Variants in FERMT3 observed in about 807,000 individuals in gnomAD.
FERMT3 encodes FERM domain containing kindlin 3.
In FERMT3, 33 loss-of-function variants were observed where a neutral mutation model predicts 80.8. The observed-to-expected ratio is 0.41, with a 90% CI of 0.31 to 0.55. FERMT3 has a LOEUF of 0.55. Ranked by LOEUF, FERMT3 falls within the 20% of genes least tolerant of loss-of-function variation. FERMT3 has a pLI of 0.31. For missense variants in FERMT3, 754 were observed against 908.7 expected (o/e 0.83, Z 2.19); for synonymous variants, 375 against 372.2 (o/e 1.01, Z -0.09).
intron 6 of FERMT3, among the ~76,000 whole-genome samples, chr11:64,213,894 C>CT (rs1302554643): frequency 1.3e-5 from 2 of 152,090 alleles, no homozygotes; most frequent in Non-Finnish European, 2.9e-5. Flanking sequence ...GTTTTCTTCT[C>CT]TATGACATAT....
chr11:64,220,078 G>GCT, intron 10 of FERMT3, 63 bp downstream of exon 10: 1 of 1,600,954 alleles, frequency 6.2e-7, no homozygotes, highest in African/African-American at 1.3e-5. Context: ...GCAGGTGAAT[G>GCT]CTCTCACCGG....
Position 64,211,107 on chromosome 11 carries a change from G to A in FERMT3, c.450G>A (p.Lys150=), listed in dbSNP as rs12794742. The stretch of plus-strand genomic sequence containing the variant: ...TCCGGGCTCCTGAGAAGAAGGAGAA[G>A]AAGAAGAAAGAGAAGGAGCCAGAGG... ...SLLRAPEKKE[K]KKKEKEPEEE... is the part of the protein sequence containing the mutation. The change falls in exon 4 of 15, where the codon AAG becomes AAA. Residue 150 remains lysine (K), a synonymous_variant. Coordinates refer to ENST00000345728, the MANE Select transcript of FERMT3 (RefSeq NM_031471.6). This position sits in a 1 kb window ranked among gnomAD's most constrained non-coding sequence, Gnocchi z 4.7. The A allele has an allele frequency of 6.4e-7, 1 of 1,561,356 alleles. No individual in the cohort carries two copies. The highest frequency in any genetic ancestry group is 8.7e-7 in the Non-Finnish European group (1 of 1,153,372).
At chr11:64,220,939 G>C in intron 12 of FERMT3, 77 bp from the exon 13 acceptor site, 2 of 1,580,172 alleles carry the variant, frequency 1.3e-6, no homozygotes, top group South Asian at 1.1e-5. Context: ...CTGTCACCCT[G>C]ATGGGGAGGT....
chr11:64,219,832 G>A lies in FERMT3; in HGVS notation c.1079+43G>A, dbSNP rs752870494. On this transcript the variant is annotated intron_variant, in intron 9 of 14. Coordinates refer to ENST00000345728, the MANE Select transcript of FERMT3 (RefSeq NM_031471.6). This position sits in a 1 kb window ranked among gnomAD's most constrained non-coding sequence, Gnocchi z 4.0. The stretch of plus-strand genomic sequence containing the variant: ...GTAGGCAGCCCTGCTGGAGGGGTTG[G>A]TCTGCATATGGAGGGAGGGGGTGAG... The A allele has an allele frequency of 1.7e-5, 28 of 1,613,832 alleles. No individual in the cohort carries two copies. The highest frequency in any genetic ancestry group is 1.2e-4 in the Admixed American group (7 of 60,002).
chr11:64,216,408 C>G (rs1162653121), intron 6 of FERMT3, among the ~76,000 whole-genome samples: 1 of 148,216 alleles, frequency 6.7e-6, no homozygotes, highest in African/African-American at 2.5e-5. Flanking sequence ...ACCACATTGG[C>G]CAGGCTGGTC....
chr11:64,217,193 G>C (rs1946570613), intron 6 of FERMT3, among the ~76,000 whole-genome samples: 1 of 152,198 alleles, frequency 6.6e-6, no homozygotes, highest in African/African-American at 2.4e-5. Flanking sequence ...TCCTGCCAAT[G>C]TCTTGGGTGA....
chr11:64,210,714 C>T lies in FERMT3; in HGVS notation c.264C>T (p.Asp88=), dbSNP rs759003628. ...WTLDKYGILA[D]ARLFFGPQHR... The stretch of plus-strand genomic sequence containing the variant: ...TGGACAAGTACGGGATCCTGGCCGA[C>T]GCACGCCTCTTCTTTGGGCCCCAGC... Residue 88 remains aspartate, a synonymous_variant, in exon 3 of 15, where the codon GAC becomes GAT. Transcript: ENST00000345728. The surrounding 1 kb of genome is among the most constrained non-coding windows in gnomAD (Gnocchi z 4.3). 34 of 1,614,070 alleles carry T rather than the reference C, an allele frequency of 2.1e-5. No homozygotes were observed. Among genetic ancestry groups the T allele is most frequent in the Non-Finnish European group, 2.6e-5 (31 of 1,180,036 alleles).
In FERMT3 at chr11:64,211,112, A is replaced by T; in HGVS notation, c.455A>T (p.Lys152Met). The change falls in exon 4 of 15, where the codon AAG becomes ATG. Residue 152 changes from lysine (K) to methionine (M), a missense_variant. Coordinates refer to ENST00000345728, the MANE Select transcript of FERMT3 (RefSeq NM_031471.6). This position sits in a 1 kb window ranked among gnomAD's most constrained non-coding sequence, Gnocchi z 4.7. ...GCTCCTGAGAAGAAGGAGAAGAAGA[A>T]GAAAGAGAAGGAGCCAGAGGAAGAG... ...LRAPEKKEKK[K>M]KEKEPEEELY... 6.4e-7 allele frequency: 1 copy of T among 1,564,252 alleles called. No individual in the cohort carries two copies. Among genetic ancestry groups the T allele is most frequent in the Non-Finnish European group, 8.7e-7 (1 of 1,153,960 alleles).
intron 6 of FERMT3, among the ~76,000 whole-genome samples, chr11:64,217,511 T>G (rs1376293227): frequency 6.6e-6 from 1 of 152,034 alleles, no homozygotes; most frequent in Non-Finnish European, 1.5e-5. Context: ...ATCGTGCCAT[T>G]GTACTCCAGC....
Position 64,219,106 on chromosome 11 carries a change from T to A in FERMT3, c.787-145T>A. On this transcript the variant is annotated intron_variant, in intron 6 of 14. Coordinates refer to ENST00000345728, the MANE Select transcript of FERMT3 (RefSeq NM_031471.6). This position sits in a 1 kb window ranked among gnomAD's most constrained non-coding sequence, Gnocchi z 4.0. ...CTATTAAGGATGGGGTTGAGGTCTG[T>A]GGCCCATGTCTGGCCACTGAATGAA... 1.4e-6 allele frequency: 1 copy of A among 739,044 alleles called. No homozygotes were observed. Among genetic ancestry groups the A allele is most frequent in the Non-Finnish European group, 2.3e-6 (1 of 435,562 alleles). 45.8% of individuals were successfully genotyped at this position (739,044 alleles called of 1,614,324 possible).
chr11:64,215,391 C>T (rs1054032735), intron 6 of FERMT3, among the ~76,000 whole-genome samples: 1 of 152,048 alleles, frequency 6.6e-6, no homozygotes, highest in African/African-American at 2.4e-5. Flanking sequence ...CATATTGAGT[C>T]GTTTGTCTTT....
upstream of FERMT3, chr11:64,206,557 C>G (rs1441341787): frequency 1.3e-5 from 2 of 152,392 alleles, no homozygotes; most frequent in African/African-American, 4.8e-5. Context: ...AGTCGCTAAG[C>G]CCCGCTCTCC....
At position 64,223,393 on chromosome 11, in the gene FERMT3, C is replaced by T. The variant is rs142025489; in HGVS notation, c.1893C>T (p.Ile631=). 2,336 of 1,613,966 alleles carry T rather than the reference C, an allele frequency of 1.4e-3. 5 individuals are homozygous for T. Among genetic ancestry groups the T allele is most frequent in the Admixed American group, 2.0e-3 (119 of 60,030 alleles). Residue 631 remains isoleucine, a synonymous_variant, in exon 15 of 15, where the codon ATC becomes ATT. Transcript: ENST00000345728. Reference sequence around the variant, plus strand: ...GCTGCCGAATTGTACACGAGTATATCGGGGGCTACATTTTCCTGTCGACGC... The same window carrying T: ...GCTGCCGAATTGTACACGAGTATATTGGGGGCTACATTTTCCTGTCGACGC... ...SASCRIVHEY[I]GGYIFLSTRE...
In FERMT3 at chr11:64,210,236, C is replaced by A. The variant is rs775944516; in HGVS notation, c.161-375C>A. 1.3e-5 allele frequency among the ~76,000 whole-genome samples: 2 copies of A among 152,204 alleles called. No individual in the cohort carries two copies. The highest frequency in any genetic ancestry group is 2.4e-5 in the African/African-American group (1 of 41,450). ...CAGACGTAGTCTCTGCCTCCAGGAG[C>A]TCCCCAGAATGCAAGACAGAGGCTG... On this transcript the variant is annotated intron_variant, in intron 2 of 14. Coordinates refer to ENST00000345728, the MANE Select transcript of FERMT3 (RefSeq NM_031471.6). The surrounding 1 kb of genome is among the most constrained non-coding windows in gnomAD (Gnocchi z 4.3).
Position 64,216,446 on chromosome 11 carries a change from G to A in FERMT3, c.787-2805G>A, listed in dbSNP as rs563760027. On this transcript the variant is annotated intron_variant, in intron 6 of 14. Transcript: ENST00000345728. Reference sequence around the variant, plus strand: ...AAACTCCTGACCTCGTGATCTGCCCGCTTCAGCCTCCCAAAGTGCTGGGAT... The same window carrying A: ...AAACTCCTGACCTCGTGATCTGCCCACTTCAGCCTCCCAAAGTGCTGGGAT... Among the ~76,000 whole-genome samples, 356 of 148,748 alleles carry A rather than the reference G, an allele frequency of 2.4e-3. 2 individuals carry two copies. Among genetic ancestry groups the A allele is most frequent in the African/African-American group, 8.4e-3 (343 of 40,918 alleles).
At chr11:64,220,984 C>A in intron 12 of FERMT3, 32 bp from the exon 13 acceptor site, 1 of 1,605,954 alleles carries the variant, frequency 6.2e-7, no homozygotes. Flanking sequence ...GGGAATAGTG[C>A]CTGGCAGCCC....
In FERMT3 at chr11:64,210,852, G is replaced by C. The variant is rs1339129781; in HGVS notation, c.394+8G>C. The C allele has an allele frequency of 1.9e-6, 3 of 1,610,828 alleles. No individual in the cohort carries two copies. Among genetic ancestry groups the C allele is most frequent in the South Asian group, 2.2e-5 (2 of 91,082 alleles). The stretch of plus-strand genomic sequence containing the variant: ...CCATCTGCCGCCTCCTCAGTAAGTT[G>C]CCCGGCTGATTCCCCTGGCCCACGA... On this transcript the variant is annotated splice_region_variant and intron_variant, in intron 3 of 14. Coordinates refer to ENST00000345728, the MANE Select transcript of FERMT3 (RefSeq NM_031471.6). The surrounding 1 kb of genome is among the most constrained non-coding windows in gnomAD (Gnocchi z 4.3).
intron 11 of FERMT3, 40 bp from the exon 12 acceptor site, chr11:64,220,396 A>C: frequency 6.2e-7 from 1 of 1,608,848 alleles, no homozygotes; most frequent in Non-Finnish European, 8.5e-7. Context: ...GAGGAGCATC[A>C]AGCTTGGTTA....
rs760391616 is a variant in FERMT3, at chr11:64,210,810, CT to C, written c.362del (p.Phe121SerfsTer44). 6.2e-7 allele frequency: 1 copy of C among 1,613,546 alleles called. No homozygotes were observed. On this transcript the variant is annotated frameshift_variant, in exon 3 of 15. Transcript: ENST00000345728. LOFTEE classifies it high-confidence loss of function. The surrounding 1 kb of genome is among the most constrained non-coding windows in gnomAD (Gnocchi z 4.3). ...TCCGTGCCAGCTTCTCCCAGCCCCT[CT>C]TCCAGGCTGTGGCTGCCATCTGCCG... is the stretch of plus-strand genomic sequence containing the variant. ...RLRASFSQPL[F>X]QAVAAICRLL...
Sources: gnomAD v4.1 joint callset for allele counts (sites outside exome capture counted in the v4.1 genomes callset) on GRCh38, gnomAD v4.1.1 for gene constraint, Gnocchi (gnomAD v3.1) non-coding constraint, MANE v1.5 for transcripts, NCBI Gene and HGNC (gene_info 2026-07-23, HGNC 2026-07-21) for gene names.